Variants in SUGCT observed in about 807,000 individuals in gnomAD.
SUGCT encodes the protein succinyl-CoA:glutarate-CoA transferase.
Under a neutral mutation model 55.0 loss-of-function variants are expected in SUGCT, and 41 were observed. That is an observed-to-expected ratio of 0.74 (90% CI 0.58 to 0.97). The LOEUF (loss-of-function observed/expected upper bound fraction) is 0.97, where lower values mean the gene tolerates loss of function less well. Ranked by LOEUF, SUGCT falls within the 50% of genes least tolerant of loss-of-function variation. The probability of loss-of-function intolerance (pLI) is 0.00; values close to 1 mark genes in which losing one functional copy is unlikely to be tolerated. For missense variants in SUGCT, 568 were observed against 547.8 expected (o/e 1.04, Z -0.37); for synonymous variants, 187 against 200.4 (o/e 0.93, Z 0.56).
At chr7:40,279,231 T>A (rs1294382381) in intron 8 of SUGCT, among the ~76,000 whole-genome samples, 1 of 152,086 alleles carries the variant, frequency 6.6e-6, no homozygotes, top group African/African-American at 2.4e-5. Context: ...AAGTTCCCTT[T>A]CCTAGAAGTC....
At chr7:40,424,819 T>G (rs1036533263) in intron 9 of SUGCT, among the ~76,000 whole-genome samples, 5 of 152,128 alleles carry the variant, frequency 3.3e-5, no homozygotes, top group Non-Finnish European at 7.4e-5. Flanking sequence ...GATTGGTTTT[T>G]TTATGAGGAA....
At chr7:40,399,942 G>T (rs750515567) in intron 9 of SUGCT, among the ~76,000 whole-genome samples, 19 of 152,058 alleles carry the variant, frequency 1.2e-4, no homozygotes, top group Non-Finnish European at 2.5e-4. Flanking sequence ...CCAGCTACTT[G>T]GGAGGCTGAG....
At chr7:40,736,263 CAATATAT>C (rs1258569886) in intron 12 of SUGCT, among the ~76,000 whole-genome samples, 13 of 75,994 alleles carry the variant, frequency 1.7e-4, no homozygotes, top group African/African-American at 9.1e-4. Flanking sequence ...TATAATATTT[CAATATAT>C]AATATATAAT....
chr7:40,245,423 ATTTT>A (rs1168316176), intron 7 of SUGCT, among the ~76,000 whole-genome samples: 5 of 54,578 alleles, frequency 9.2e-5, no homozygotes, highest in African/African-American at 1.8e-4. Flanking sequence ...ATATATATAT[ATTTT>A]TTTTTTTTTT....
chr7:40,412,905 G>T (rs575812409), intron 9 of SUGCT, among the ~76,000 whole-genome samples: 1 of 151,908 alleles, frequency 6.6e-6, no homozygotes, highest in Non-Finnish European at 1.5e-5. Flanking sequence ...CCTGTTTTCT[G>T]CCATATTTAT....
At chr7:41,031,230 T>C in the SUGCT span, among the ~76,000 whole-genome samples, 29 of 152,338 alleles carry the variant, frequency 1.9e-4, no homozygotes, top group South Asian at 5.8e-3. Context: ...TAATAGCTTA[T>C]GCCAAGTCTC....
intron 12 of SUGCT, among the ~76,000 whole-genome samples, chr7:40,572,197 G>A (rs1474108427): frequency 6.6e-6 from 1 of 152,058 alleles, no homozygotes; most frequent in Non-Finnish European, 1.5e-5. Context: ...AAAGCTCCTG[G>A]AAATTTACAC....
At chr7:40,213,729 G>A (rs753680335) in intron 6 of SUGCT, among the ~76,000 whole-genome samples, 26 of 152,212 alleles carry the variant, frequency 1.7e-4, no homozygotes, top group Middle Eastern at 6.8e-3. Flanking sequence ...ATTTGTTTAT[G>A]TCAGTATTGA....
chr7:40,854,198 CTTA>C (rs1403043510), intron 13 of SUGCT, among the ~76,000 whole-genome samples: 2 of 151,928 alleles, frequency 1.3e-5, no homozygotes, highest in Non-Finnish European at 2.9e-5. Flanking sequence ...TATGATGTAA[CTTA>C]TTATTATATT....
intron 12 of SUGCT, among the ~76,000 whole-genome samples, chr7:40,639,499 A>G (rs1045425937): frequency 8.0e-5 from 12 of 150,638 alleles, no homozygotes; most frequent in South Asian, 6.3e-4. Context: ...AGGTAATAAT[A>G]TATGCTTTTT....
chr7:40,612,298 G>T (rs1390707039), intron 12 of SUGCT, among the ~76,000 whole-genome samples: 1 of 152,146 alleles, frequency 6.6e-6, no homozygotes, highest in Non-Finnish European at 1.5e-5. Flanking sequence ...TAAGTGCCCT[G>T]GAATGCTGAT....
At chr7:40,338,078 C>G (rs1215438105) in intron 9 of SUGCT, among the ~76,000 whole-genome samples, 1 of 152,128 alleles carries the variant, frequency 6.6e-6, no homozygotes, top group African/African-American at 2.4e-5. Flanking sequence ...ATATTGGCCC[C>G]CACTCTCTTC....
intron 5 of SUGCT, 88 bp from the exon 6 acceptor site, chr7:40,194,852 A>G: frequency 6.9e-7 from 1 of 1,442,134 alleles, no homozygotes; most frequent in Non-Finnish European, 9.2e-7. Flanking sequence ...AGCTATTACA[A>G]AGGGAGAATC....
At chr7:40,661,114 A>G (rs369113669) in intron 12 of SUGCT, among the ~76,000 whole-genome samples, 112 of 152,356 alleles carry the variant, frequency 7.4e-4, no homozygotes, top group African/African-American at 2.5e-3. Flanking sequence ...TAGATGGACT[A>G]GAGGACTCAC....
At chr7:40,242,922 T>C (rs1462315781) in intron 7 of SUGCT, among the ~76,000 whole-genome samples, 3 of 29,228 alleles carry the variant, frequency 1.0e-4, no homozygotes, top group African/African-American at 3.7e-4. Flanking sequence ...TATATATATA[T>C]ATATATATAT....
the SUGCT span, among the ~76,000 whole-genome samples, chr7:40,950,358 T>G: frequency 3.9e-5 from 6 of 152,224 alleles, no homozygotes; most frequent in African/African-American, 1.4e-4. Context: ...GATTTTGGGC[T>G]GAGACGATGG....
intron 9 of SUGCT, among the ~76,000 whole-genome samples, chr7:40,401,432 G>T (rs1786062066): frequency 1.3e-5 from 2 of 152,166 alleles, no homozygotes; most frequent in Admixed American, 1.3e-4. Context: ...AGGCTCTGTG[G>T]ACTGGACAAG....
rs138984553 is a variant in SUGCT at position 40,440,145 on chromosome 7, G to GTTTTTTTTTTT, written c.817-9120_817-9110dup. Among the ~76,000 whole-genome samples, 10 of 68,456 alleles carry GTTTTTTTTTTT rather than the reference G, an allele frequency of 1.5e-4. 2 individuals carry two copies. Among genetic ancestry groups the GTTTTTTTTTTT allele is most frequent in the African/African-American group, 6.7e-4 (10 of 14,926 alleles). The allele number at this position is 68,456 out of a possible 152,430, so 44.9% of individuals were successfully genotyped here. On this transcript the variant is annotated intron_variant, in intron 9 of 13. Coordinates refer to ENST00000335693, the MANE Select transcript of SUGCT (RefSeq NM_001193313.2). ...TCAAGTTTTTTGTCTGTGTGTGTGT[G>GTTTTTTTTTTT]TTTTTTTTTTTTTTTTTTTTTTTTT...
intron 12 of SUGCT, among the ~76,000 whole-genome samples, chr7:40,737,797 G>T (rs572073410): frequency 6.6e-6 from 1 of 152,074 alleles, no homozygotes; most frequent in African/African-American, 2.4e-5. Context: ...GGTGGCGGGC[G>T]CCTGTAATCC....
Sources: allele counts gnomAD v4.1 joint callset (sites outside exome capture counted in the v4.1 genomes callset), GRCh38; gene constraint gnomAD v4.1.1; transcripts MANE v1.5; gene names NCBI Gene and HGNC (gene_info 2026-07-23, HGNC 2026-07-21).